SAMMSON: variants seen among roughly 807,000 people sequenced by gnomAD.
SAMMSON encodes the protein long intergenic non-protein coding RNA 1212.
intron 4 of SAMMSON, chr3:70,197,248 T>A (rs879594410): frequency 2.3e-5 from 9 of 397,940 alleles, no homozygotes; most frequent in Non-Finnish European, 3.5e-5. Flanking sequence ...AGGACAGGCA[T>A]GTGTGCTGGG....
At chr3:70,242,070 G>T (rs527719465) in intron 4 of SAMMSON, among the ~76,000 whole-genome samples, 5 of 152,142 alleles carry the variant, frequency 3.3e-5, no homozygotes, top group Non-Finnish European at 5.9e-5. Context: ...CAATTTCCTC[G>T]TAAGGGTAAG....
At chr3:70,221,455 T>G (rs1701459514) in intron 4 of SAMMSON, among the ~76,000 whole-genome samples, 1 of 152,080 alleles carries the variant, frequency 6.6e-6, no homozygotes, top group Non-Finnish European at 1.5e-5. Context: ...GAATTTGAAT[T>G]TGGGCATTTG....
intron 6 of SAMMSON, among the ~76,000 whole-genome samples, chr3:70,258,814 A>G (rs1701840847): frequency 1.3e-5 from 2 of 152,174 alleles, no homozygotes; most frequent in Non-Finnish European, 2.9e-5. Flanking sequence ...ATAACCATAG[A>G]AGGAGGCACA....
chr3:70,266,329 AC>A (rs1347635530), intron 6 of SAMMSON, among the ~76,000 whole-genome samples: 1 of 152,098 alleles, frequency 6.6e-6, no homozygotes, highest in Non-Finnish European at 1.5e-5. Context: ...TTTTGATTAA[AC>A]TGTAATCGTT....
intron 4 of SAMMSON, among the ~76,000 whole-genome samples, chr3:70,134,087 C>CAAAAAAAAA (rs1157606808): frequency 3.7e-4 from 22 of 60,114 alleles, no homozygotes; most frequent in Non-Finnish European, 5.0e-4. Context: ...ACTGAAAATA[C>CAAAAAAAAA]AAAAAAAAAA....
chr3:70,128,594 A>G (rs1267369180), intron 4 of SAMMSON, among the ~76,000 whole-genome samples: 2 of 152,210 alleles, frequency 1.3e-5, no homozygotes, highest in Non-Finnish European at 2.9e-5. Context: ...TTCCCTATCT[A>G]TCCTCTTTCA....
intron 4 of SAMMSON, among the ~76,000 whole-genome samples, chr3:70,199,717 G>A (rs1009047915): frequency 6.6e-6 from 1 of 152,140 alleles, no homozygotes; most frequent in African/African-American, 2.4e-5. Context: ...AAGAGCGTTG[G>A]ATTTCCTCTT....
intron 4 of SAMMSON, among the ~76,000 whole-genome samples, chr3:70,087,467 C>T (rs2067289898): frequency 1.3e-5 from 2 of 152,228 alleles, no homozygotes; most frequent in Non-Finnish European, 1.5e-5. Context: ...AAAATAGATT[C>T]AACCTTTGAA....
In SAMMSON at chr3:70,305,564, A is replaced by G. The variant is rs143410000; in HGVS notation, n.739+14321A>G. On this transcript the variant is annotated intron_variant and non_coding_transcript_variant, in intron 7 of 9. Transcript: ENST00000642114. Reference sequence around the variant, plus strand: ...AGCACTTAAGTACATGAGTTCCTTGAGGGCAGGACATTTTCATTTTTTGGC... The same window carrying G: ...AGCACTTAAGTACATGAGTTCCTTGGGGGCAGGACATTTTCATTTTTTGGC... Among the ~76,000 whole-genome samples the G allele has an allele frequency of 5.3e-5, 8 of 152,312 alleles. No individual in the cohort carries two copies. The East Asian group carries it at 1.5e-3, about 29-fold the overall frequency.
intron 3 of SAMMSON, among the ~76,000 whole-genome samples, chr3:70,063,648 A>C (rs923654976): frequency 1.2e-4 from 18 of 152,082 alleles, no homozygotes; most frequent in African/African-American, 4.8e-5. Flanking sequence ...CCCTGTCTCC[A>C]TCTTTGCTGA....
chr3:70,167,184 T>C lies in SAMMSON; in HGVS notation n.508-81923T>C, dbSNP rs181889923. On this transcript the variant is annotated intron_variant and non_coding_transcript_variant, in intron 4 of 9. Transcript: ENST00000642114. Reference sequence around the variant, plus strand: ...GTACACGTTATATTTTAAGTTCTCATAGTCACATGTGGCTAGTGACTATCG... The same window carrying C: ...GTACACGTTATATTTTAAGTTCTCACAGTCACATGTGGCTAGTGACTATCG... Among the ~76,000 whole-genome samples the C allele has an allele frequency of 1.1e-3, 160 of 152,172 alleles. 1 individual carries two copies. Among genetic ancestry groups the C allele is most frequent in the Non-Finnish European group, 2.1e-3 (143 of 67,944 alleles).
chr3:70,031,162 C>T (rs1027423582), intron 3 of SAMMSON, among the ~76,000 whole-genome samples: 5 of 151,882 alleles, frequency 3.3e-5, no homozygotes, highest in Admixed American at 2.6e-4. Context: ...CAGAAGAATT[C>T]GTAAACAAAA....
intron 4 of SAMMSON, among the ~76,000 whole-genome samples, chr3:70,101,150 C>G (rs983452786): frequency 6.7e-5 from 10 of 149,656 alleles, no homozygotes; most frequent in African/African-American, 2.5e-4. Context: ...ATTACAACTG[C>G]TGTTAATGAC....
At chr3:70,297,410 G>A (rs1226847414) in intron 7 of SAMMSON, among the ~76,000 whole-genome samples, 1 of 151,982 alleles carries the variant, frequency 6.6e-6, no homozygotes, top group Non-Finnish European at 1.5e-5. Context: ...GCCACTCAAA[G>A]GTTGTAATTA....
intron 4 of SAMMSON, among the ~76,000 whole-genome samples, chr3:70,215,473 C>A (rs1265621300): frequency 6.6e-6 from 1 of 152,042 alleles, no homozygotes; most frequent in Non-Finnish European, 1.5e-5. Context: ...TATGTAGGTT[C>A]AAACCTAGAA....
chr3:70,244,086 C>T (rs1036537596), intron 4 of SAMMSON, among the ~76,000 whole-genome samples: 29 of 152,168 alleles, frequency 1.9e-4, no homozygotes, highest in African/African-American at 7.0e-4. Flanking sequence ...CCTAGCCTAA[C>T]CTCCCTGCTC....
chr3:70,303,515 A>G (rs1702369842), intron 7 of SAMMSON, among the ~76,000 whole-genome samples: 1 of 152,158 alleles, frequency 6.6e-6, no homozygotes. Context: ...TCCTGAACCT[A>G]GATTTCCCTT....
intron 2 of SAMMSON, among the ~76,000 whole-genome samples, chr3:70,433,522 G>C (rs1013645951): frequency 6.6e-6 from 1 of 151,910 alleles, no homozygotes; most frequent in Non-Finnish European, 1.5e-5. Flanking sequence ...TCTTGTTGTT[G>C]AGTTTTAAAA....
At chr3:70,395,820 C>G (rs1701087857) in intron 2 of SAMMSON, among the ~76,000 whole-genome samples, 1 of 152,032 alleles carries the variant, frequency 6.6e-6, no homozygotes, top group African/African-American at 2.4e-5. Context: ...GTGATTACCC[C>G]CAAGAAGGGC....
Sources: allele counts gnomAD v4.1 joint callset (sites outside exome capture counted in the v4.1 genomes callset), GRCh38; gene constraint gnomAD v4.1.1; transcripts MANE v1.5; gene names NCBI Gene and HGNC (gene_info 2026-07-23, HGNC 2026-07-21).